Variants in TMEM132D observed in about 807,000 individuals in gnomAD.
The protein encoded by TMEM132D is transmembrane protein 132D, also known as mature OL transmembrane protein.
TMEM132D carries 21 observed loss-of-function variants against 62.3 expected under a neutral mutation model. That is an observed-to-expected ratio of 0.34 (90% CI 0.24 to 0.49). The LOEUF is 0.49. Ranked by LOEUF, TMEM132D falls within the 20% of genes least tolerant of loss-of-function variation. The pLI, the probability that TMEM132D is intolerant of heterozygous loss-of-function variation, is 0.99. For synonymous variants in TMEM132D, 621 were observed against 575.6 expected (o/e 1.08, Z -1.13); for missense variants, 1,346 against 1,402.8 (o/e 0.96, Z 0.65).
chr12:129,471,343 G>A (rs1031270905), intron 3 of TMEM132D, among the ~76,000 whole-genome samples: 2 of 151,638 alleles, frequency 1.3e-5, no homozygotes, highest in Admixed American at 1.3e-4. Context: ...AATATTTTAA[G>A]TTATTATTAT....
chr12:129,660,704 C>T lies in TMEM132D; in HGVS notation c.968+39106G>A, dbSNP rs1880216004. 2.6e-5 allele frequency among the ~76,000 whole-genome samples: 4 copies of T among 152,254 alleles called. No homozygotes were observed. In the East Asian group the frequency reaches 7.8e-4, roughly 30 times the overall value. On this transcript the variant is annotated intron_variant, in intron 2 of 8. Coordinates refer to ENST00000422113, the MANE Select transcript of TMEM132D (RefSeq NM_133448.3). ...CGGGGGGTACAGGAGCTAGTCTGCACACCTTGTACCAAAATGTACTAATGA... is the reference window on the plus strand; with the variant it reads ...CGGGGGGTACAGGAGCTAGTCTGCATACCTTGTACCAAAATGTACTAATGA...
chr12:129,690,470 A>C (rs755434855), intron 2 of TMEM132D, among the ~76,000 whole-genome samples: 76 of 152,332 alleles, frequency 5.0e-4, no homozygotes, highest in Middle Eastern at 3.4e-3. Flanking sequence ...CTTTAGCTCA[A>C]AAGACTTTAA....
chr12:129,524,415 C>T (rs1397764190), intron 3 of TMEM132D, among the ~76,000 whole-genome samples: 1 of 152,118 alleles, frequency 6.6e-6, no homozygotes, highest in Non-Finnish European at 1.5e-5. Flanking sequence ...TCTCCCCGTT[C>T]AACATTACAG....
chr12:129,600,567 C>A (rs1353068313), intron 2 of TMEM132D, among the ~76,000 whole-genome samples: 5 of 152,174 alleles, frequency 3.3e-5, no homozygotes, highest in Admixed American at 3.3e-4. Context: ...GCAGCCATAG[C>A]CTTATCAAAG....
chr12:129,889,378 C>T (rs1005467852), intron 1 of TMEM132D, among the ~76,000 whole-genome samples: 2 of 152,258 alleles, frequency 1.3e-5, no homozygotes, highest in African/African-American at 4.8e-5. Flanking sequence ...ATGTTAAATG[C>T]ATCCTACATG....
chr12:129,643,814 G>T (rs1879701200), intron 2 of TMEM132D, among the ~76,000 whole-genome samples: 1 of 151,430 alleles, frequency 6.6e-6, no homozygotes. Flanking sequence ...CACCTTTCCG[G>T]ACTGAACCAA....
At chr12:129,864,299 G>T (rs1171313684) in intron 1 of TMEM132D, among the ~76,000 whole-genome samples, 1 of 152,158 alleles carries the variant, frequency 6.6e-6, no homozygotes, top group Non-Finnish European at 1.5e-5. Context: ...CTCAGCAGAG[G>T]CCCCAGACAT....
chr12:129,842,803 G>A (rs550884046), intron 1 of TMEM132D, among the ~76,000 whole-genome samples: 12 of 152,212 alleles, frequency 7.9e-5, no homozygotes, highest in Non-Finnish European at 1.5e-4. Flanking sequence ...CAGCATTGCC[G>A]ATCTCCCCTT....
At chr12:129,490,153 G>A (rs933708944) in intron 3 of TMEM132D, among the ~76,000 whole-genome samples, 1 of 152,076 alleles carries the variant, frequency 6.6e-6, no homozygotes, top group Non-Finnish European at 1.5e-5. Flanking sequence ...AGTCAATTTC[G>A]TATTACTGGA....
chr12:129,242,732 CTTCTTCTTT>C (rs559713722), intron 4 of TMEM132D, among the ~76,000 whole-genome samples: 1 of 138,388 alleles, frequency 7.2e-6, no homozygotes, highest in Non-Finnish European at 1.6e-5. Context: ...TTCAATTTTT[CTTCTTCTTT>C]TTTAAGAAGT....
chr12:129,267,717 C>G (rs1880734156), intron 4 of TMEM132D, among the ~76,000 whole-genome samples: 1 of 152,272 alleles, frequency 6.6e-6, no homozygotes, highest in African/African-American at 2.4e-5. Context: ...AAAGAGCCCG[C>G]ATTGCCAAGT....
At chr12:129,647,603 T>C (rs1879819837) in intron 2 of TMEM132D, among the ~76,000 whole-genome samples, 1 of 152,228 alleles carries the variant, frequency 6.6e-6, no homozygotes, top group African/African-American at 2.4e-5. Context: ...TTTTGTGCGA[T>C]ATTACCTTTG....
chr12:129,231,177 G>A (rs926832437), intron 4 of TMEM132D, among the ~76,000 whole-genome samples: 5 of 152,218 alleles, frequency 3.3e-5, no homozygotes, highest in Non-Finnish European at 5.9e-5. Context: ...CTAAGTTCAG[G>A]CAGCCTCATG....
intron 4 of TMEM132D, among the ~76,000 whole-genome samples, chr12:129,263,600 A>G (rs974388814): frequency 1.3e-5 from 2 of 152,020 alleles, no homozygotes; most frequent in East Asian, 1.9e-4. Flanking sequence ...TTAAGAGAAG[A>G]TCTAAATCGC....
chr12:129,299,797 A>G (rs78006554), intron 4 of TMEM132D, among the ~76,000 whole-genome samples: 1 of 152,184 alleles, frequency 6.6e-6, no homozygotes, highest in African/African-American at 2.4e-5. Flanking sequence ...GTGCTAAAAA[A>G]GAGGAAGCTA....
Position 129,468,427 on chromosome 12 carries a change from C to T in TMEM132D, c.1115+62632G>A, listed in dbSNP as rs116977080. ...TTAGCATTCTGTATTGCAAAGAAGA[C>T]CTGAAAGACGTGGATGCAAATATCA... On this transcript the variant is annotated intron_variant, in intron 3 of 8. Coordinates refer to ENST00000422113, the MANE Select transcript of TMEM132D (RefSeq NM_133448.3). Among the ~76,000 whole-genome samples the T allele has an allele frequency of 6.6e-5, 10 of 152,260 alleles. No homozygotes were observed. In the East Asian group the frequency reaches 1.7e-3, roughly 26 times the overall value.
In TMEM132D at chr12:129,699,708, C is replaced by G. The variant is rs1021894700; in HGVS notation, c.968+102G>C. On this transcript the variant is annotated intron_variant, in intron 2 of 8. Coordinates refer to ENST00000422113, the MANE Select transcript of TMEM132D (RefSeq NM_133448.3). Reference sequence around the variant, plus strand: ...GTTTGTAAGAACGGGAAGGCCGGCTCTACTTCGGTGAGCGATAACACAGCT... The same window carrying G: ...GTTTGTAAGAACGGGAAGGCCGGCTGTACTTCGGTGAGCGATAACACAGCT... 22 of 1,445,256 alleles carry G rather than the reference C, an allele frequency of 1.5e-5. No individual in the cohort carries two copies. In the African/African-American group the frequency reaches 2.2e-4, roughly 15 times the overall value. 89.5% of individuals were successfully genotyped at this position (1,445,256 alleles called of 1,614,324 possible). A position where few individuals can be genotyped will look rare whatever the true frequency, so the allele number is the denominator to read the frequency against.
chr12:129,895,818 T>TGA (rs1555239770), intron 1 of TMEM132D, among the ~76,000 whole-genome samples: 4 of 148,392 alleles, frequency 2.7e-5, no homozygotes, highest in African/African-American at 9.9e-5. Context: ...TTTCCCCTAG[T>TGA]AAAAAAAAAA....
intron 1 of TMEM132D, among the ~76,000 whole-genome samples, chr12:129,701,040 G>C (rs1565954631): frequency 6.6e-6 from 1 of 152,146 alleles, no homozygotes; most frequent in Non-Finnish European, 1.5e-5. Flanking sequence ...TCAAAGGAGA[G>C]ATTAGCAAGT....
Sources: allele counts gnomAD v4.1 joint callset (sites outside exome capture counted in the v4.1 genomes callset), GRCh38; gene constraint gnomAD v4.1.1; transcripts MANE v1.5; gene names NCBI Gene and HGNC (gene_info 2026-07-23, HGNC 2026-07-21).